The following BLM variants were observed in gnomAD, a reference collection of about 807,000 sequenced individuals.
BLM encodes the protein recQ-like DNA helicase BLM.
Under a neutral mutation model 135.3 loss-of-function variants are expected in BLM, and 95 were observed. The ratio of observed to expected loss-of-function variants is 0.70; its 90% confidence interval spans 0.59 to 0.83. The LOEUF is 0.83. Ranked by LOEUF, BLM falls within the 40% of genes least tolerant of loss-of-function variation. The probability of loss-of-function intolerance (pLI) is 0.00; values close to 1 mark genes in which losing one functional copy is unlikely to be tolerated. For synonymous variants in BLM, 520 were observed against 589.2 expected, an observed-to-expected ratio of 0.88 and a Z score of 1.70; for missense variants, 1,518 against 1,663.9, an observed-to-expected ratio of 0.91 and a Z score of 1.53.
In BLM at chr15:90,761,116, A is replaced by G; in HGVS notation, c.1743A>G (p.Thr581=). The G allele has an allele frequency of 6.5e-7, 1 of 1,543,980 alleles. No individual in the cohort carries two copies. The highest frequency in any genetic ancestry group is 8.7e-7 in the Non-Finnish European group (1 of 1,150,778). ...MHNLAASKSS[T]AAYQPIKEGR... ...ATTTAGCAGCCAGCAAATCTTCCAC[A>G]GCTGCCTATCAACCCATCAAGGAAG... Residue 581 remains threonine (T), a synonymous_variant, in exon 7 of 22, where the codon ACA becomes ACG. Transcript: ENST00000355112.
At chr15:90,774,488 G>A (rs925262271) in intron 12 of BLM, among the ~76,000 whole-genome samples, 1 of 151,978 alleles carries the variant, frequency 6.6e-6, no homozygotes, top group South Asian at 2.1e-4. Flanking sequence ...GTAGGTGAAC[G>A]GCATTTTAGC....
chr15:90,754,795 T>C lies in BLM; in HGVS notation c.960-16T>C. ...AGCCTATAGTATGATTGGCTTAACA[T>C]TTTTTTTATTTGCAGTACGTTAAAG... On this transcript the variant is annotated splice_polypyrimidine_tract_variant and intron_variant, in intron 4 of 21. Transcript: ENST00000355112. 1 of 1,598,100 alleles carries C rather than the reference T, an allele frequency of 6.3e-7. No homozygotes were observed. The highest frequency in any genetic ancestry group is 1.7e-4 in the Middle Eastern group (1 of 5,996).
chr15:90,757,851 C>T (rs57007536), intron 5 of BLM, among the ~76,000 whole-genome samples: 24,011 of 151,856 alleles, frequency 0.16, 1,983 homozygotes, highest in East Asian at 0.24. Flanking sequence ...GCAAAGGCAT[C>T]TGTTGTCCTT....
chr15:90,719,209 T>C lies in BLM; in HGVS notation c.-5+1769T>C, dbSNP rs186376176. ...GGTTTCACTGTGTTAGCCAGGATGG[T>C]CTCGATCTCCTGACCTCGTGATCCG... On this transcript the variant is annotated intron_variant, in intron 1 of 21. Transcript: ENST00000355112. Among the ~76,000 whole-genome samples, 645 of 152,190 alleles carry C rather than the reference T, an allele frequency of 4.2e-3. 5 individuals carry two copies. The highest frequency in any genetic ancestry group is 0.015 in the African/African-American group (623 of 41,528).
chr15:90,724,097 C>G (rs1336985830), intron 1 of BLM, among the ~76,000 whole-genome samples: 2 of 152,136 alleles, frequency 1.3e-5, no homozygotes, highest in South Asian at 2.1e-4. Flanking sequence ...ACTGCAGCCT[C>G]TAACTCCTGG....
intron 10 of BLM, 54 bp from the exon 11 acceptor site, chr15:90,769,079 T>A (rs1371609654): frequency 4.4e-6 from 6 of 1,360,464 alleles, no homozygotes; most frequent in Non-Finnish European, 6.3e-6. Context: ...GACCACAGAA[T>A]CATGAGGTGA....
chr15:90,774,953 G>A (rs1197803853), intron 12 of BLM, among the ~76,000 whole-genome samples: 1 of 152,140 alleles, frequency 6.6e-6, no homozygotes, highest in Non-Finnish European at 1.5e-5. Flanking sequence ...ATGGTAAAAT[G>A]TTTGGACTTT....
chr15:90,770,720 A>G (rs188945950), intron 12 of BLM, among the ~76,000 whole-genome samples: 2 of 152,370 alleles, frequency 1.3e-5, no homozygotes, highest in Admixed American at 1.3e-4. Context: ...GAATTTTTAA[A>G]GCACGGCTTT....
At chr15:90,724,090 G>A (rs1015147283) in intron 1 of BLM, among the ~76,000 whole-genome samples, 2 of 152,036 alleles carry the variant, frequency 1.3e-5, no homozygotes, top group Admixed American at 6.6e-5. Flanking sequence ...GTTGCTCACT[G>A]CAGCCTCTAA....
chr15:90,802,038 C>T (rs796370280), intron 17 of BLM, among the ~76,000 whole-genome samples: 30 of 152,068 alleles, frequency 2.0e-4, no homozygotes, highest in African/African-American at 7.2e-4. Context: ...GCCTGGGCAA[C>T]AGAGCAAGAC....
chr15:90,796,917 G>A (rs1417706654), intron 16 of BLM, among the ~76,000 whole-genome samples: 1 of 152,186 alleles, frequency 6.6e-6, no homozygotes, highest in African/African-American at 2.4e-5. Context: ...CCAGGGGATT[G>A]TTGGAGTCAG....
At chr15:90,799,261 A>G (rs1269395909) in intron 17 of BLM, among the ~76,000 whole-genome samples, 5 of 152,012 alleles carry the variant, frequency 3.3e-5, no homozygotes, top group South Asian at 2.1e-4. Flanking sequence ...TTTGGGAGAG[A>G]GGGGAGAGAA....
chr15:90,772,314 A>G (rs1896343922), intron 12 of BLM, among the ~76,000 whole-genome samples: 1 of 152,236 alleles, frequency 6.6e-6, no homozygotes, highest in South Asian at 2.1e-4. Flanking sequence ...TATAAGGCAC[A>G]CAAAAAAGGC....
intron 1 of BLM, among the ~76,000 whole-genome samples, chr15:90,728,144 C>A (rs540016776): frequency 6.6e-6 from 1 of 152,046 alleles, no homozygotes; most frequent in South Asian, 2.1e-4. Context: ...TCAGGTGATC[C>A]TCCCACCTCA....
chr15:90,810,646 G>A (rs559870854), intron 20 of BLM, among the ~76,000 whole-genome samples: 4 of 152,062 alleles, frequency 2.6e-5, no homozygotes, highest in Non-Finnish European at 4.4e-5. Flanking sequence ...CTCACCTCCC[G>A]CATAATATGT....
intron 1 of BLM, among the ~76,000 whole-genome samples, chr15:90,745,892 A>G (rs1290790500): frequency 6.6e-6 from 1 of 152,114 alleles, no homozygotes; most frequent in Non-Finnish European, 1.5e-5. Context: ...CCTAGTCAAC[A>G]TGGTGAGACC....
intron 3 of BLM, among the ~76,000 whole-genome samples, chr15:90,751,123 A>C (rs115694816): frequency 0.012 from 1,781 of 152,368 alleles, 35 homozygotes; most frequent in African/African-American, 0.041. Flanking sequence ...TTAATGTCCA[A>C]AATTGAGTAA....
chr15:90,788,865 C>T (rs1047352192), intron 14 of BLM, among the ~76,000 whole-genome samples: 5 of 150,832 alleles, frequency 3.3e-5, no homozygotes, highest in African/African-American at 7.3e-5. Flanking sequence ...CCCAGCTTCT[C>T]GGGAGTCTGA....
At chr15:90,720,334 G>A (rs1249954622) in intron 1 of BLM, among the ~76,000 whole-genome samples, 1 of 152,162 alleles carries the variant, frequency 6.6e-6, no homozygotes, top group Non-Finnish European at 1.5e-5. Context: ...ATGACATATG[G>A]ACTTTGTTCT....
Sources: allele counts gnomAD v4.1 joint callset (sites outside exome capture counted in the v4.1 genomes callset), GRCh38; gene constraint gnomAD v4.1.1; transcripts MANE v1.5; gene names NCBI Gene and HGNC (gene_info 2026-07-23, HGNC 2026-07-21).